FAM13A: variants seen among roughly 807,000 people sequenced by gnomAD.
The protein encoded by FAM13A is protein FAM13A.
In FAM13A, 76 loss-of-function variants were observed where a neutral mutation model predicts 129.6. The ratio of observed to expected loss-of-function variants is 0.59; its 90% CI spans 0.49 to 0.71. The LOEUF (loss-of-function observed/expected upper bound fraction) is 0.71. Among genes scored for constraint, FAM13A ranks in the 30% least tolerant of loss-of-function variants. The pLI, the probability that FAM13A is intolerant of heterozygous loss-of-function variation, is 0.00. For synonymous variants in FAM13A, 443 were observed against 449.9 expected (o/e 0.98, Z 0.20); for missense variants, 1,108 against 1,249.3 (o/e 0.89, Z 1.70).
At chr4:88,989,157 G>A (rs774150824) in intron 4 of FAM13A, among the ~76,000 whole-genome samples, 3 of 150,608 alleles carry the variant, frequency 2.0e-5, no homozygotes, top group Non-Finnish European at 3.0e-5. Flanking sequence ...TCAATGAGCC[G>A]AGATCTCACC....
At chr4:88,835,016 G>C (rs1371614196) in intron 7 of FAM13A, among the ~76,000 whole-genome samples, 1 of 151,718 alleles carries the variant, frequency 6.6e-6, no homozygotes, top group Non-Finnish European at 1.5e-5. Flanking sequence ...AATTCAGATT[G>C]TACAGAATTG....
chr4:88,936,043 G>A (rs541686549), intron 5 of FAM13A, among the ~76,000 whole-genome samples: 91 of 152,208 alleles, frequency 6.0e-4, no homozygotes, highest in African/African-American at 2.0e-3. Flanking sequence ...TACATTAAAA[G>A]AGCACCATTT....
At chr4:88,797,614 G>A (rs112572586) in intron 8 of FAM13A, among the ~76,000 whole-genome samples, 242 of 152,122 alleles carry the variant, frequency 1.6e-3, no homozygotes, top group African/African-American at 5.5e-3. Flanking sequence ...CCAGAAGGGC[G>A]TCTCCAGTTT....
intron 7 of FAM13A, among the ~76,000 whole-genome samples, chr4:88,826,489 T>G (rs1172347297): frequency 1.3e-5 from 2 of 152,208 alleles, no homozygotes; most frequent in Non-Finnish European, 2.9e-5. Context: ...CTAGTTATAC[T>G]AAAAATTCGT....
At chr4:88,808,041 C>T (rs1336555417) in intron 7 of FAM13A, among the ~76,000 whole-genome samples, 6 of 152,132 alleles carry the variant, frequency 3.9e-5, no homozygotes, top group African/African-American at 1.4e-4. Context: ...AATCCATGCA[C>T]AGTCCCTGAG....
At chr4:88,960,825 A>G (rs1318016279) in intron 4 of FAM13A, among the ~76,000 whole-genome samples, 1 of 152,218 alleles carries the variant, frequency 6.6e-6, no homozygotes, top group Non-Finnish European at 1.5e-5. Context: ...TTACATTTGC[A>G]AAGCAGAAAT....
chr4:88,893,642 G>GAATGAATAAATAAATAAATA (rs1352073900), intron 6 of FAM13A, among the ~76,000 whole-genome samples: 10 of 126,188 alleles, frequency 7.9e-5, no homozygotes, highest in African/African-American at 3.0e-4. Context: ...ATGAATGAAT[G>GAATGAATAAATAAATAAATA]AATAAATAAA....
At chr4:88,871,524 T>C (rs1164984916) in intron 6 of FAM13A, among the ~76,000 whole-genome samples, 1 of 152,076 alleles carries the variant, frequency 6.6e-6, no homozygotes, top group Non-Finnish European at 1.5e-5. Flanking sequence ...GCCGATTCGA[T>C]CAACTGGAAG....
chr4:88,758,646 A>G, intron 14 of FAM13A, 108 bp downstream of exon 14: 4 of 1,123,712 alleles, frequency 3.6e-6, no homozygotes, highest in East Asian at 4.8e-5. Context: ...TTACTTCTGC[A>G]TGCATAGCTC....
chr4:88,870,651 C>T (rs936215130), intron 6 of FAM13A, among the ~76,000 whole-genome samples: 6 of 152,030 alleles, frequency 3.9e-5, no homozygotes, highest in African/African-American at 1.4e-4. Flanking sequence ...CTGGTTGGAG[C>T]CTACCGCAGC....
At chr4:88,992,551 T>C (rs1366155803) in intron 3 of FAM13A, among the ~76,000 whole-genome samples, 1 of 152,172 alleles carries the variant, frequency 6.6e-6, no homozygotes, top group African/African-American at 2.4e-5. Context: ...ACTTTTTCTT[T>C]AACAATATCT....
Position 88,792,162 on chromosome 4 carries a change from G to GT in FAM13A, c.1050-1536dup, listed in dbSNP as rs919074630. On this transcript the variant is annotated intron_variant, in intron 8 of 23. Transcript: ENST00000264344. Reference sequence around the variant, plus strand: ...ACACTGTGCTAAGTACTTTTACATAGTTTTTTTTTCACTTATTATTTACAA... The same window carrying GT: ...ACACTGTGCTAAGTACTTTTACATAGTTTTTTTTTTCACTTATTATTTACAA... Among the ~76,000 whole-genome samples, 22 of 151,056 alleles carry GT rather than the reference G, an allele frequency of 1.5e-4. 1 individual carries two copies. In the South Asian group the frequency reaches 2.3e-3, roughly 16 times the overall value.
intron 5 of FAM13A, among the ~76,000 whole-genome samples, chr4:88,919,979 G>A (rs1005095951): frequency 8.5e-5 from 13 of 152,200 alleles, no homozygotes; most frequent in East Asian, 1.9e-4. Context: ...ACTGCAAGGC[G>A]GCAGCGAGGC....
At chr4:88,980,526 A>G (rs1365912293) in intron 4 of FAM13A, among the ~76,000 whole-genome samples, 1 of 152,226 alleles carries the variant, frequency 6.6e-6, no homozygotes, top group East Asian at 1.9e-4. Context: ...AGAAAGGCCA[A>G]ACTTTCCAAT....
intron 8 of FAM13A, among the ~76,000 whole-genome samples, chr4:88,796,332 A>G (rs1467599641): frequency 6.6e-6 from 1 of 152,008 alleles, no homozygotes; most frequent in East Asian, 1.9e-4. Flanking sequence ...CTGTGGTCAG[A>G]AATTATTGGC....
At chr4:88,754,203 C>G (rs1387227362) in intron 14 of FAM13A, among the ~76,000 whole-genome samples, 1 of 152,132 alleles carries the variant, frequency 6.6e-6, no homozygotes, top group African/African-American at 2.4e-5. Flanking sequence ...ATTAATCCAC[C>G]CAGGTCAGTT....
At chr4:88,964,155 C>CTGAGAATAA (rs2148925822) in intron 4 of FAM13A, among the ~76,000 whole-genome samples, 1 of 152,282 alleles carries the variant, frequency 6.6e-6, no homozygotes, top group South Asian at 2.1e-4. Context: ...TTTCATACGG[C>CTGAGAATAA]TGAGAATAAT....
intron 7 of FAM13A, among the ~76,000 whole-genome samples, chr4:88,839,950 G>GATAGC (rs1258704636): frequency 4.6e-5 from 7 of 152,350 alleles, no homozygotes; most frequent in African/African-American, 1.7e-4. Context: ...TATGAGTAAA[G>GATAGC]ATAGCGTTTA....
chr4:88,934,928 T>C (rs909156390), intron 5 of FAM13A, among the ~76,000 whole-genome samples: 4 of 152,198 alleles, frequency 2.6e-5, no homozygotes, highest in African/African-American at 7.2e-5. Context: ...CTGGAGTAAC[T>C]AGATCTAGTC....
Sources: allele counts gnomAD v4.1 joint callset (sites outside exome capture counted in the v4.1 genomes callset), GRCh38; gene constraint gnomAD v4.1.1; transcripts MANE v1.5; gene names NCBI Gene and HGNC (gene_info 2026-07-23, HGNC 2026-07-21).